Variants in RUNX3 observed in about 807,000 individuals in gnomAD.
RUNX3 encodes runt-related transcription factor 3.
A neutral mutation model predicts 27.7 loss-of-function variants in RUNX3; 10 were observed. The ratio of observed to expected loss-of-function variants is 0.36; its 90% CI spans 0.22 to 0.61. The LOEUF is 0.61. Ranked by LOEUF, RUNX3 falls within the 20% of genes least tolerant of loss-of-function variation. The pLI, the probability that RUNX3 is intolerant of heterozygous loss-of-function variation, is 0.72. For missense variants in RUNX3, 469 were observed against 629.5 expected (o/e 0.75, Z 2.73); for synonymous variants, 270 against 269.2 (o/e 1.00, Z -0.03).
upstream of RUNX3, chr1:24,930,310 C>T (rs1198245569): frequency 2.0e-5 from 17 of 852,466 alleles, no homozygotes; most frequent in Admixed American, 6.9e-4. The surrounding 1 kb of genome is among the most constrained non-coding windows in gnomAD (Gnocchi z 4.1). Flanking sequence ...GTTAGTACCC[C>T]CGGGGCCCGC....
intron 3 of RUNX3, among the ~76,000 whole-genome samples, chr1:24,917,779 C>G (rs1171269304): frequency 1.3e-5 from 2 of 152,208 alleles, no homozygotes; most frequent in South Asian, 2.1e-4. Context: ...GCCAGGAAGG[C>G]TGGCTTGGAA....
intron 3 of RUNX3, among the ~76,000 whole-genome samples, chr1:24,907,716 G>A (rs181862027): frequency 0.036 from 5,245 of 146,910 alleles, 110 homozygotes; most frequent in Middle Eastern, 0.078. Context: ...TACAACACGC[G>A]GTGATCTAAA....
chr1:24,934,663 C>T (rs917476480), upstream of RUNX3, among the ~76,000 whole-genome samples: 15 of 152,172 alleles, frequency 9.9e-5, no homozygotes, highest in African/African-American at 2.7e-4. Context: ...CAAAGAGGAA[C>T]GTTGTCCGAG....
In RUNX3 at chr1:24,923,437, G is replaced by C. The variant is rs1641038015; in HGVS notation, c.440-4093C>G. ...AGCCTCTAGATATAACTCTGTGCAG[G>C]AGTCCCAGGCAAACCTGCAATCCAT... On this transcript the variant is annotated intron_variant, in intron 2 of 4. Coordinates refer to ENST00000308873, the MANE Select transcript of RUNX3 (RefSeq NM_004350.3). The surrounding 1 kb of genome is among the most constrained non-coding windows in gnomAD (Gnocchi z 5.9). 6.6e-6 allele frequency among the ~76,000 whole-genome samples: 1 copy of C among 152,154 alleles called. No homozygotes were observed. The highest frequency in any genetic ancestry group is 2.4e-5 in the African/African-American group (1 of 41,420).
intron 3 of RUNX3, among the ~76,000 whole-genome samples, chr1:24,915,767 G>A (rs1010868572): frequency 6.6e-6 from 1 of 152,122 alleles, no homozygotes; most frequent in East Asian, 1.9e-4. Context: ...AGAGCAGGAT[G>A]TGGGAGGGAG....
rs190937821 is a variant in RUNX3 at position 24,918,092 on chromosome 1, G to T, written c.544+1148C>A. Among the ~76,000 whole-genome samples, 12 of 152,282 alleles carry T rather than the reference G, an allele frequency of 7.9e-5. No individual in the cohort carries two copies. In the East Asian group the frequency reaches 2.1e-3, roughly 27 times the overall value. ...AGAGGTGACCCTGAGAGCCCTGGAG[G>T]GAAACTCTTCCAGGGCTGCTGGACT... is the stretch of plus-strand genomic sequence containing the variant. On this transcript the variant is annotated intron_variant, in intron 3 of 4. Coordinates refer to ENST00000308873, the MANE Select transcript of RUNX3 (RefSeq NM_004350.3).
intron 2 of RUNX3, among the ~76,000 whole-genome samples, chr1:24,941,523 C>T (rs1271865312): frequency 3.3e-5 from 5 of 152,218 alleles, no homozygotes; most frequent in Non-Finnish European, 5.9e-5. Flanking sequence ...AGGTCAGGAA[C>T]GTGTTCAAGT....
chr1:24,910,927 A>C lies in RUNX3; in HGVS notation c.545-3510T>G, dbSNP rs1367946774. On this transcript the variant is annotated intron_variant, in intron 3 of 4. Coordinates refer to ENST00000308873, the MANE Select transcript of RUNX3 (RefSeq NM_004350.3). ...TGGGGCAAGTCACGTGAACGAGGCAAGTGGGATGGGTGGGGCCTGGAGCGG... is the reference window on the plus strand; with the variant it reads ...TGGGGCAAGTCACGTGAACGAGGCACGTGGGATGGGTGGGGCCTGGAGCGG... Among the ~76,000 whole-genome samples, 3 of 152,146 alleles carry C rather than the reference A, an allele frequency of 2.0e-5. No homozygotes were observed. The East Asian group carries it at 5.8e-4, about 29-fold the overall frequency.
chr1:24,942,423 C>G (rs1262240877), intron 2 of RUNX3, among the ~76,000 whole-genome samples: 1 of 152,134 alleles, frequency 6.6e-6, no homozygotes, highest in Non-Finnish European at 1.5e-5. Context: ...TCTTGGGACA[C>G]TCAAGAAAAC....
At chr1:24,954,170 T>A (rs1641851922) in intron 2 of RUNX3, among the ~76,000 whole-genome samples, 1 of 152,226 alleles carries the variant, frequency 6.6e-6, no homozygotes, top group African/African-American at 2.4e-5. Context: ...AGACATGGGG[T>A]AAAAATAGAC....
chr1:24,957,789 T>G (rs748689242), intron 2 of RUNX3, among the ~76,000 whole-genome samples: 36 of 152,228 alleles, frequency 2.4e-4, no homozygotes, highest in Non-Finnish European at 4.3e-4. Context: ...ATTCATTTTC[T>G]CCATTTTACA....
At chr1:24,913,996 C>A (rs1216650730) in intron 3 of RUNX3, among the ~76,000 whole-genome samples, 1 of 152,246 alleles carries the variant, frequency 6.6e-6, no homozygotes, top group Non-Finnish European at 1.5e-5. Flanking sequence ...GTGACTATCA[C>A]CCCCGTTTTA....
At chr1:24,953,838 A>G (rs1035706559) in intron 2 of RUNX3, among the ~76,000 whole-genome samples, 7 of 152,254 alleles carry the variant, frequency 4.6e-5, no homozygotes, top group Admixed American at 2.0e-4. Context: ...TGACAAAATC[A>G]GAAGTCCTAA....
intron 3 of RUNX3, among the ~76,000 whole-genome samples, chr1:24,918,996 T>C (rs1640942009): frequency 2.0e-5 from 3 of 152,202 alleles, no homozygotes; most frequent in Non-Finnish European, 4.4e-5. Context: ...TTCCTTTCCT[T>C]GACTCCCTCA....
At chr1:24,928,936 A>T (rs1416562199) in intron 1 of RUNX3, 5 of 415,472 alleles carry the variant, frequency 1.2e-5, no homozygotes, top group Non-Finnish European at 2.4e-5. Flanking sequence ...CTGCCCCCTT[A>T]AAAAAATGAA....
chr1:24,911,775 GCCA>G, intron 3 of RUNX3, among the ~76,000 whole-genome samples: 1 of 152,090 alleles, frequency 6.6e-6, no homozygotes, highest in South Asian at 2.1e-4. Context: ...TTTAGACGGG[GCCA>G]CCGAGGCTTC....
Position 24,902,515 on chromosome 1 carries a change from C to T in RUNX3, c.855G>A (p.Ser285=), listed in dbSNP as rs937104548. 27 of 1,597,396 alleles carry T rather than the reference C, an allele frequency of 1.7e-5. No individual in the cohort carries two copies. The highest frequency in any genetic ancestry group is 1.2e-4 in the Admixed American group (7 of 59,532). ...CGCTGAGGCTGCTGATGCTCGTGCC[C>T]GAGGGCGTGGCGCTGTAGGGGAAGG... ...SAAFPYSATP[S]GTSISSLSVA... The change falls in exon 5 of 5, where the codon TCG becomes TCA. Residue 285 remains serine, a synonymous_variant. Coordinates refer to ENST00000308873, the MANE Select transcript of RUNX3 (RefSeq NM_004350.3). The surrounding 1 kb of genome is among the most constrained non-coding windows in gnomAD (Gnocchi z 9.2).
chr1:24,951,806 G>C (rs1641774439), intron 2 of RUNX3, among the ~76,000 whole-genome samples: 1 of 152,210 alleles, frequency 6.6e-6, no homozygotes, highest in Non-Finnish European at 1.5e-5. Context: ...CTGGGGTTCA[G>C]TTTTCTCATC....
intron 1 of RUNX3, chr1:24,929,167 G>A: frequency 2.1e-6 from 1 of 472,596 alleles, no homozygotes; most frequent in Non-Finnish European, 4.2e-6. Flanking sequence ...AGCGGCGCGG[G>A]AGGAGGGGTG....
Sources: allele counts gnomAD v4.1 joint callset (sites outside exome capture counted in the v4.1 genomes callset), GRCh38; gene constraint gnomAD v4.1.1; non-coding constraint Gnocchi (gnomAD v3.1); transcripts MANE v1.5; gene names NCBI Gene and HGNC (gene_info 2026-07-23, HGNC 2026-07-21).